The following VPS26C variants were observed in gnomAD, a reference collection of about 807,000 sequenced individuals.
VPS26C encodes vacuolar protein sorting-associated protein 26C.
Under a neutral mutation model 30.6 loss-of-function variants are expected in VPS26C, and 19 were observed. The observed-to-expected ratio is 0.62, with a 90% CI of 0.43 to 0.91. The LOEUF (loss-of-function observed/expected upper bound fraction) is 0.91. VPS26C is among the 40% of genes least tolerant of loss of function. The probability of loss-of-function intolerance (pLI) is 0.00; values close to 1 mark genes in which losing one functional copy is unlikely to be tolerated. For missense variants in VPS26C, 318 were observed against 385.1 expected, an observed-to-expected ratio of 0.83 and a Z score of 1.46; for synonymous variants, 132 against 151.5, an observed-to-expected ratio of 0.87 and a Z score of 0.95.
Position 37,232,585 on chromosome 21 carries a change from C to A in VPS26C, c.433-134G>T. 4 of 734,068 alleles carry A rather than the reference C, an allele frequency of 5.4e-6. No individual in the cohort carries two copies. The South Asian group carries it at 6.4e-5, about 12-fold the overall frequency. 45.5% of individuals were successfully genotyped at this position (734,068 alleles called of 1,614,324 possible). A position where few individuals can be genotyped will look rare whatever the true frequency, so the allele number is the denominator to read the frequency against. On this transcript the variant is annotated intron_variant, in intron 4 of 7. Transcript: ENST00000309117. ...AGGACGGGGAACTAAGAGGCGCAAG[C>A]CTGGGTCCTGAACACAGTTCTGTCA...
intron 1 of VPS26C, among the ~76,000 whole-genome samples, chr21:37,260,473 G>A (rs1368820652): frequency 6.6e-6 from 1 of 152,152 alleles, no homozygotes; most frequent in African/African-American, 2.4e-5. Flanking sequence ...CTTGAGGCCA[G>A]GAGTTTGAGA....
chr21:37,246,702 A>G (rs1323913530), intron 1 of VPS26C, among the ~76,000 whole-genome samples: 1 of 152,242 alleles, frequency 6.6e-6, no homozygotes, highest in Non-Finnish European at 1.5e-5. Context: ...AGGAAGTAGT[A>G]TAATGTACAT....
At chr21:37,266,865 G>C (rs1017396016) in intron 1 of VPS26C, 1 of 348,638 alleles carries the variant, frequency 2.9e-6, no homozygotes, top group African/African-American at 2.2e-5. Context: ...GAGAGGGAAA[G>C]GGGAGTTTGG....
chr21:37,267,603 A>T, upstream of VPS26C: 5 of 426,424 alleles, frequency 1.2e-5, no homozygotes, highest in Non-Finnish European at 2.1e-5. Flanking sequence ...TTACGCCGGA[A>T]ATGCTCCTTT....
At position 37,227,756 on chromosome 21, in the gene VPS26C, T is replaced by C. The variant is rs919387355; in HGVS notation, c.709A>G (p.Ile237Val). 3.1e-6 allele frequency: 5 copies of C among 1,614,040 alleles called. No individual in the cohort carries two copies. In the African/African-American group the frequency reaches 5.3e-5, roughly 17 times the overall value. ...CCCCTGCACACATCCCCGTCGGCGA[T>C]CTGAATGTTCTGAATCTCCGTGGCG... ...RDATEIQNIQIADGDVCRGLS... is the reference protein window; with the variant it reads ...RDATEIQNIQVADGDVCRGLS... The change falls in exon 7 of 8, where the codon ATC becomes GTC. Residue 237 changes from isoleucine (I) to valine (V), a missense_variant. Ile to Val is a conservative substitution (Grantham distance 29). Transcript: ENST00000309117.
chr21:37,265,988 T>G (rs2086357085), intron 1 of VPS26C, among the ~76,000 whole-genome samples: 1 of 145,934 alleles, frequency 6.9e-6, no homozygotes, highest in Non-Finnish European at 1.5e-5. Context: ...CACAATCTCG[T>G]CTCACTGCAG....
At chr21:37,267,503 G>A, upstream of VPS26C, 3 of 587,392 alleles carry the variant, frequency 5.1e-6, no homozygotes, top group Non-Finnish European at 3.0e-6. Flanking sequence ...CGGCCTTAGT[G>A]CGGGCCGAAG....
intron 5 of VPS26C, 69 bp downstream of exon 5, chr21:37,232,308 A>G: frequency 7.4e-7 from 1 of 1,343,282 alleles, no homozygotes; most frequent in East Asian, 2.3e-5. Flanking sequence ...CCACCCGGGC[A>G]ATAGCTAGTC....
chr21:37,240,437 G>A lies in VPS26C; in HGVS notation c.201+59C>T, dbSNP rs141193007. The A allele has an allele frequency of 1.5e-4, 239 of 1,593,156 alleles. 1 individual carries two copies. The African/African-American group carries it at 2.7e-3, about 18-fold the overall frequency. On this transcript the variant is annotated intron_variant, in intron 2 of 7. Coordinates refer to ENST00000309117, the MANE Select transcript of VPS26C (RefSeq NM_006052.2). Reference sequence around the variant, plus strand: ...ACTGCGCCTGGCCCTGAGCCACTGCGCCCAGCCCAACATTTCAATATTGAA... The same window carrying A: ...ACTGCGCCTGGCCCTGAGCCACTGCACCCAGCCCAACATTTCAATATTGAA...
chr21:37,240,719 C>T (rs2086078325), intron 1 of VPS26C, 80 bp from the exon 2 acceptor site: 9 of 1,511,150 alleles, frequency 6.0e-6, no homozygotes, highest in Non-Finnish European at 7.1e-6. Context: ...CGTAGGTCTC[C>T]TTCATCATCA....
chr21:37,238,979 C>T (rs2086054942), intron 2 of VPS26C, among the ~76,000 whole-genome samples: 4 of 152,328 alleles, frequency 2.6e-5, no homozygotes, highest in South Asian at 4.1e-4. Context: ...TGTGAACCCA[C>T]GGCTCCCCCT....
At position 37,255,851 on chromosome 21, in the gene VPS26C, A is replaced by ATTTTTTTTTTTTTTTTTTT. The variant is rs375877407; in HGVS notation, c.57+11368_57+11386dup. Among the ~76,000 whole-genome samples, 633 of 108,390 alleles carry ATTTTTTTTTTTTTTTTTTT rather than the reference A, an allele frequency of 5.8e-3. 114 individuals are homozygous for ATTTTTTTTTTTTTTTTTTT. Among genetic ancestry groups the ATTTTTTTTTTTTTTTTTTT allele is most frequent in the African/African-American group, 0.027 (589 of 21,828 alleles). The allele number at this position is 108,390 out of a possible 152,430, so 71.1% of individuals were successfully genotyped here. A position where few individuals can be genotyped will look rare whatever the true frequency, so the allele number is the denominator to read the frequency against. ...TTTAAAGCCTCATTCTATGCACTGC[A>ATTTTTTTTTTTTTTTTTTT]TTTTTTTTTTTTTTTTTTTTTAGAT... On this transcript the variant is annotated intron_variant, in intron 1 of 7. Coordinates refer to ENST00000309117, the MANE Select transcript of VPS26C (RefSeq NM_006052.2).
chr21:37,245,558 C>A (rs1437969220), intron 1 of VPS26C, among the ~76,000 whole-genome samples: 2 of 152,182 alleles, frequency 1.3e-5, no homozygotes, highest in Admixed American at 6.5e-5. Context: ...TGACTGACTG[C>A]GCTCTGTGAC....
chr21:37,243,739 G>A (rs936422820), intron 1 of VPS26C, among the ~76,000 whole-genome samples: 2 of 151,948 alleles, frequency 1.3e-5, no homozygotes, highest in Non-Finnish European at 1.5e-5. Flanking sequence ...ACTACAGCCC[G>A]CACCCTAGAG....
chr21:37,265,303 G>A (rs1313534267), intron 1 of VPS26C, among the ~76,000 whole-genome samples: 1 of 152,164 alleles, frequency 6.6e-6, no homozygotes, highest in African/African-American at 2.4e-5. Flanking sequence ...TTATAAAGCT[G>A]TTTTTAAAAA....
Position 37,226,874 on chromosome 21 carries a change from C to T in VPS26C, c.811+780G>A, listed in dbSNP as rs1189541563. On this transcript the variant is annotated intron_variant, in intron 7 of 7. Coordinates refer to ENST00000309117, the MANE Select transcript of VPS26C (RefSeq NM_006052.2). This position sits in a 1 kb window ranked among gnomAD's most constrained non-coding sequence, Gnocchi z 4.1. ...GCTACTGAGAAGGCTCGGTCCCTTC[C>T]TACTGGGTCTCTCTGTTCTACTTCT... is the stretch of plus-strand genomic sequence containing the variant. 1 of 152,240 alleles carries T rather than the reference C, an allele frequency of 6.6e-6. No individual in the cohort carries two copies. Among genetic ancestry groups the T allele is most frequent in the Non-Finnish European group, 1.5e-5 (1 of 68,042 alleles). 9.4% of individuals were successfully genotyped at this position (152,240 alleles called of 1,614,324 possible). A position where few individuals can be genotyped will look rare whatever the true frequency, so the allele number is the denominator to read the frequency against.
Position 37,240,503 on chromosome 21 carries a change from G to T in VPS26C, c.194C>A (p.Ser65Tyr). 3 of 1,613,836 alleles carry T rather than the reference G, an allele frequency of 1.9e-6. No individual in the cohort carries two copies. The highest frequency in any genetic ancestry group is 2.5e-6 in the Non-Finnish European group (3 of 1,179,962). The part of the protein sequence containing the change: ...SVGVFEAFYN[S>Y]VKPIQIINST... Reference sequence around the variant, plus strand: ...CTAAGCATTCTTTCTTACCTTAACAGAATTATAAAAAGCTTCAAACACACC... The same window carrying T: ...CTAAGCATTCTTTCTTACCTTAACATAATTATAAAAAGCTTCAAACACACC... Residue 65 changes from serine to tyrosine, a missense_variant, in exon 2 of 8, where the codon TCT (serine) becomes TAT (tyrosine). Transcript: ENST00000309117.
chr21:37,263,927 A>G (rs1406919072), intron 1 of VPS26C, among the ~76,000 whole-genome samples: 5 of 152,180 alleles, frequency 3.3e-5, no homozygotes, highest in African/African-American at 1.2e-4. Context: ...CTTCTCCCAC[A>G]ACCACAGCGC....
intron 5 of VPS26C, among the ~76,000 whole-genome samples, chr21:37,230,272 G>C (rs1040000359): frequency 3.9e-5 from 6 of 152,168 alleles, no homozygotes; most frequent in African/African-American, 1.2e-4. Context: ...AAAAAGGATA[G>C]CTTTCAACAT....
Sources: allele counts gnomAD v4.1 joint callset (sites outside exome capture counted in the v4.1 genomes callset), GRCh38; gene constraint gnomAD v4.1.1; non-coding constraint Gnocchi (gnomAD v3.1); transcripts MANE v1.5; gene names NCBI Gene and HGNC (gene_info 2026-07-23, HGNC 2026-07-21).